The following ANKRD6 variants were observed in gnomAD, a reference collection of about 807,000 sequenced individuals.
The protein encoded by ANKRD6 is ankyrin repeat domain-containing protein 6.
A neutral mutation model predicts 82.3 loss-of-function variants in ANKRD6; 56 were observed. The observed-to-expected ratio is 0.68, with a 90% CI of 0.55 to 0.85. ANKRD6 has a LOEUF of 0.85. Ranked by LOEUF, ANKRD6 falls within the 40% of genes least tolerant of loss-of-function variation. The probability of loss-of-function intolerance (pLI) is 0.00; values close to 1 mark genes in which losing one functional copy is unlikely to be tolerated. For missense variants in ANKRD6, 852 were observed against 907.6 expected, an observed-to-expected ratio of 0.94 and a Z score of 0.79; for synonymous variants, 347 against 352.1, an observed-to-expected ratio of 0.99 and a Z score of 0.16.
intron 1 of ANKRD6, among the ~76,000 whole-genome samples, chr6:89,471,105 T>A (rs996341850): frequency 3.3e-5 from 5 of 152,032 alleles, no homozygotes; most frequent in African/African-American, 9.7e-5. Flanking sequence ...TCTGGGGACC[T>A]GAGCCTAAAT....
chr6:89,588,153 CGAG>C (rs1443822405), intron 2 of ANKRD6, among the ~76,000 whole-genome samples: 15 of 110,514 alleles, frequency 1.4e-4, no homozygotes, highest in African/African-American at 1.9e-4. Context: ...AAAATCTAAA[CGAG>C]GAGCCAGGTG....
chr6:89,524,935 G>T (rs56230212), intron 1 of ANKRD6, among the ~76,000 whole-genome samples: 2 of 151,594 alleles, frequency 1.3e-5, no homozygotes, highest in Non-Finnish European at 2.9e-5. Flanking sequence ...CAGGAGTAAG[G>T]TGGTATCTGA....
At chr6:89,563,537 G>A (rs1222453456) in intron 1 of ANKRD6, among the ~76,000 whole-genome samples, 1 of 152,220 alleles carries the variant, frequency 6.6e-6, no homozygotes, top group Non-Finnish European at 1.5e-5. Context: ...TATCTTGAAT[G>A]ATAGCTGATC....
At chr6:89,578,286 CTTTTTTTT>C (rs71024383) in intron 2 of ANKRD6, among the ~76,000 whole-genome samples, 2 of 119,096 alleles carry the variant, frequency 1.7e-5, no homozygotes, top group Admixed American at 8.9e-5. Flanking sequence ...CTCCCGCCTC[CTTTTTTTT>C]TTTTTTTTTT....
At chr6:89,547,206 G>T (rs1437919802) in intron 1 of ANKRD6, among the ~76,000 whole-genome samples, 1 of 151,892 alleles carries the variant, frequency 6.6e-6, no homozygotes, top group Admixed American at 6.6e-5. Flanking sequence ...TTGGGGGGGG[G>T]GTTACATATG....
chr6:89,624,386 G>T, intron 12 of ANKRD6, 153 bp from the exon 13 acceptor site: 2 of 996,070 alleles, frequency 2.0e-6, no homozygotes, highest in South Asian at 3.5e-5. Context: ...CCAAAATTTG[G>T]CCTATAAGAT....
At chr6:89,588,719 A>G (rs1794272425) in intron 2 of ANKRD6, among the ~76,000 whole-genome samples, 1 of 152,056 alleles carries the variant, frequency 6.6e-6, no homozygotes, top group Admixed American at 6.5e-5. Context: ...TAAGAATATC[A>G]TTGAGACCAG....
chr6:89,629,444 A>G, intron 15 of ANKRD6: 1 of 662,316 alleles, frequency 1.5e-6, no homozygotes, highest in Non-Finnish European at 2.7e-6. Flanking sequence ...TATGTGCTCA[A>G]ACTTATTTGA....
chr6:89,537,549 G>A (rs1331881637), intron 1 of ANKRD6, among the ~76,000 whole-genome samples: 1 of 151,820 alleles, frequency 6.6e-6, no homozygotes, highest in Admixed American at 6.6e-5. Context: ...TGCTCTGAGC[G>A]GCTGCCTAGA....
At chr6:89,618,954 A>AT (rs1236469929) in intron 9 of ANKRD6, among the ~76,000 whole-genome samples, 1 of 152,238 alleles carries the variant, frequency 6.6e-6, no homozygotes, top group Non-Finnish European at 1.5e-5. Context: ...CAAGAAGAAG[A>AT]TAAAGTCTCA....
chr6:89,458,063 C>T (rs1235847724), intron 1 of ANKRD6, among the ~76,000 whole-genome samples: 1 of 152,164 alleles, frequency 6.6e-6, no homozygotes, highest in East Asian at 1.9e-4. Flanking sequence ...GAAATGGGCC[C>T]TCACCAGATT....
At chr6:89,627,338 C>A (rs1484704960) in intron 13 of ANKRD6, among the ~76,000 whole-genome samples, 1 of 152,170 alleles carries the variant, frequency 6.6e-6, no homozygotes, top group East Asian at 1.9e-4. Flanking sequence ...TATTCATAGT[C>A]CTTATACCTC....
At position 89,460,186 on chromosome 6, in the gene ANKRD6, G is replaced by A. The variant is rs533095750; in HGVS notation, c.-144+26811G>A. Among the ~76,000 whole-genome samples the A allele has an allele frequency of 1.4e-4, 21 of 150,094 alleles. No homozygotes were observed. The East Asian group carries it at 4.1e-3, about 29-fold the overall frequency. On this transcript the variant is annotated intron_variant, in intron 1 of 15. Coordinates refer to ENST00000339746, the MANE Select transcript of ANKRD6 (RefSeq NM_001242809.2). ...TGAAAGATCATGATCACAGAGACAGGAAACTTACCTGGCATTGATGAATTT... is the reference window on the plus strand; with the variant it reads ...TGAAAGATCATGATCACAGAGACAGAAAACTTACCTGGCATTGATGAATTT...
chr6:89,485,580 C>T (rs1299907555), intron 1 of ANKRD6, among the ~76,000 whole-genome samples: 4 of 152,210 alleles, frequency 2.6e-5, no homozygotes, highest in Non-Finnish European at 5.9e-5. Flanking sequence ...TTCTCTGCTG[C>T]TTGGTGCTGT....
chr6:89,530,448 C>T (rs1583112643), intron 1 of ANKRD6, among the ~76,000 whole-genome samples: 1 of 151,172 alleles, frequency 6.6e-6, no homozygotes, highest in East Asian at 1.9e-4. Flanking sequence ...TGAGACATGC[C>T]CAAATCTTAT....
chr6:89,630,565 A>C lies in ANKRD6; in HGVS notation c.1745A>C (p.Asp582Ala). ...QRLQQELSSS[D>A]CTGSRLRNVK... ...CTCCAGCAGGAGCTGTCGTCTTCTG[A>C]CTGTACAGGCTCCCGACTGAGAAAC... Residue 582 changes from aspartate to alanine, a missense_variant, in exon 16 of 16, where the codon GAC becomes GCC. By Grantham distance (126) the Asp-to-Ala change is moderately radical. Coordinates refer to ENST00000339746, the MANE Select transcript of ANKRD6 (RefSeq NM_001242809.2). 6.2e-7 allele frequency: 1 copy of C among 1,613,924 alleles called. No individual in the cohort carries two copies. Among genetic ancestry groups the C allele is most frequent in the Non-Finnish European group, 8.5e-7 (1 of 1,179,834 alleles).
At chr6:89,600,125 C>T (rs9362665) in intron 3 of ANKRD6, among the ~76,000 whole-genome samples, 108,811 of 152,080 alleles carry the variant, frequency 0.72, 40,016 homozygotes, top group Non-Finnish European at 0.81. Flanking sequence ...AATGTCCTCC[C>T]AAGGTCTGAA....
chr6:89,618,347 C>A, intron 9 of ANKRD6: 1 of 609,888 alleles, frequency 1.6e-6, no homozygotes, highest in Non-Finnish European at 2.9e-6. Context: ...CAGGACAGGG[C>A]CATGATTGCA....
chr6:89,460,719 A>G (rs1774024528), intron 1 of ANKRD6, among the ~76,000 whole-genome samples: 1 of 151,878 alleles, frequency 6.6e-6, no homozygotes, highest in Non-Finnish European at 1.5e-5. Flanking sequence ...TACAGGCGTG[A>G]GCACCCAGCC....
Sources: allele counts gnomAD v4.1 joint callset (sites outside exome capture counted in the v4.1 genomes callset), GRCh38; gene constraint gnomAD v4.1.1; transcripts MANE v1.5; gene names NCBI Gene and HGNC (gene_info 2026-07-23, HGNC 2026-07-21).